RGS12: variants seen among roughly 807,000 people sequenced by gnomAD.
RGS12 encodes regulator of G protein signaling 12, also known as regulator of G-protein signaling 12.
A neutral mutation model predicts 120.1 loss-of-function variants in RGS12; 66 were observed. The ratio of observed to expected loss-of-function variants is 0.55; its 90% CI spans 0.45 to 0.67. The LOEUF (loss-of-function observed/expected upper bound fraction) is 0.67. Among genes scored for constraint, RGS12 ranks in the 30% least tolerant of loss-of-function variants. The pLI, the probability that RGS12 is intolerant of heterozygous loss-of-function variation, is 0.00. For synonymous variants in RGS12, 827 were observed against 804.7 expected, an observed-to-expected ratio of 1.03 and a Z score of -0.47; for missense variants, 1,859 against 1,957.7, an observed-to-expected ratio of 0.95 and a Z score of 0.95.
the RGS12 span, among the ~76,000 whole-genome samples, chr4:3,287,859 C>T: frequency 2.6e-5 from 4 of 152,202 alleles, no homozygotes; most frequent in African/African-American, 7.2e-5. Context: ...CTGGCAGGCT[C>T]ATTTGTCCCA....
rs1017059521 is a variant in RGS12 at position 3,431,383 on chromosome 4, G to A, written c.4114+428G>A. On this transcript the variant is annotated intron_variant, in intron 17 of 17. Coordinates refer to ENST00000336727, the MANE Select transcript of RGS12 (RefSeq NM_001394154.1). ...TGTCTTGAGTGAGGAAGTGAAGCCC[G>A]CTGTGTTCATAGCAGGAGAGGGCTC... 2.2e-5 allele frequency: 23 copies of A among 1,028,378 alleles called. No homozygotes were observed. The East Asian group carries it at 4.2e-4, about 19-fold the overall frequency. 63.7% of individuals were successfully genotyped at this position (1,028,378 alleles called of 1,614,324 possible).
intron 1 of RGS12, among the ~76,000 whole-genome samples, chr4:3,297,599 G>A (rs1024593643): frequency 7.9e-5 from 12 of 152,186 alleles, no homozygotes; most frequent in African/African-American, 2.9e-4. Flanking sequence ...AGTGCCCTGA[G>A]CACAGGTCCT....
intron 9 of RGS12, chr4:3,420,398 G>T: frequency 1.7e-6 from 1 of 587,868 alleles, no homozygotes; most frequent in African/African-American, 1.9e-5. Flanking sequence ...AGTAGACAGG[G>T]CAGAGAGTAG....
intron 1 of RGS12, among the ~76,000 whole-genome samples, chr4:3,302,558 G>A (rs1180465702): frequency 2.6e-5 from 4 of 152,184 alleles, no homozygotes; most frequent in Non-Finnish European, 4.4e-5. Flanking sequence ...GGTGGGCTCC[G>A]CTCCCCCTGC....
intron 4 of RGS12, among the ~76,000 whole-genome samples, chr4:3,408,140 A>G (rs1721355268): frequency 6.6e-6 from 1 of 152,342 alleles, no homozygotes; most frequent in Non-Finnish European, 1.5e-5. Flanking sequence ...CACTGCAAGC[A>G]GGCCAGTGAG....
intron 3 of RGS12, among the ~76,000 whole-genome samples, chr4:3,381,152 G>A (rs1240977997): frequency 6.6e-6 from 1 of 151,408 alleles, no homozygotes; most frequent in Admixed American, 6.6e-5. Flanking sequence ...TAGCAGGAGT[G>A]ACCATTACTC....
chr4:3,370,009 T>A, intron 3 of RGS12: 3 of 1,244,604 alleles, frequency 2.4e-6, no homozygotes, highest in Non-Finnish European at 3.0e-6. Context: ...TCTTCTGATT[T>A]GGTAGAGGAA....
chr4:3,410,530 G>T (rs531295137), intron 4 of RGS12, among the ~76,000 whole-genome samples: 4 of 152,334 alleles, frequency 2.6e-5, no homozygotes, highest in Admixed American at 1.3e-4. Context: ...AGCACTGGGC[G>T]GGAGGTCCTA....
chr4:3,434,737 C>T lies in RGS12; in HGVS notation c.4114+3782C>T, dbSNP rs149172947. On this transcript the variant is annotated intron_variant, in intron 17 of 17. Coordinates refer to ENST00000336727, the MANE Select transcript of RGS12 (RefSeq NM_001394154.1). ...TCCTTCTGTACGCGCCATCTTAAAA[C>T]GGGTTCTTACGGTTGTGTTGGTAAT... Among the ~76,000 whole-genome samples, 719 of 152,326 alleles carry T rather than the reference C, an allele frequency of 4.7e-3. 1 individual carries two copies. Among genetic ancestry groups the T allele is most frequent in the Non-Finnish European group, 7.7e-3 (527 of 68,028 alleles).
rs1457455449 is a variant in RGS12, at chr4:3,375,274, GCCTCATCTCCAGC to G, written c.1999-11101_1999-11089del. ...CCCTCATCTCCAGCCCTCATCTCCA[GCCTCATCTCCAGC>G]CCTCATCTCCAGCCCTCATCTCCAG... On this transcript the variant is annotated intron_variant, in intron 3 of 17. Coordinates refer to ENST00000336727, the MANE Select transcript of RGS12 (RefSeq NM_001394154.1). Among the ~76,000 whole-genome samples, 73 of 132,142 alleles carry G rather than the reference GCCTCATCTCCAGC, an allele frequency of 5.5e-4. 2 individuals carry two copies. Among genetic ancestry groups the G allele is most frequent in the East Asian group, 9.5e-4 (4 of 4,208 alleles). 86.7% of individuals were successfully genotyped at this position (132,142 alleles called of 152,430 possible).
rs1270248385 is a variant in RGS12, at chr4:3,318,825, C to T, written c.1881+774C>T. Among the ~76,000 whole-genome samples, 5 of 152,158 alleles carry T rather than the reference C, an allele frequency of 3.3e-5. No individual in the cohort carries two copies. The East Asian group carries it at 9.6e-4, about 29-fold the overall frequency. On this transcript the variant is annotated intron_variant, in intron 2 of 17. Transcript: ENST00000336727. ...GCAGGGAACCCTCTGGAAGGACTTC[C>T]TCCAGCCAGAGGCGGCGCTGCCGTG...
intron 3 of RGS12, among the ~76,000 whole-genome samples, chr4:3,353,044 C>T (rs969998921): frequency 6.6e-6 from 1 of 152,188 alleles, no homozygotes; most frequent in African/African-American, 2.4e-5. Flanking sequence ...TGTCTCGCAC[C>T]CTCCAGAGTG....
chr4:3,360,055 T>C (rs935058784), intron 3 of RGS12, among the ~76,000 whole-genome samples: 1 of 152,224 alleles, frequency 6.6e-6, no homozygotes, highest in Non-Finnish European at 1.5e-5. Flanking sequence ...CCACTGCGCC[T>C]GGCGAGATTT....
chr4:3,415,928 G>A, intron 6 of RGS12, 50 bp from the exon 7 acceptor site: 2 of 1,562,472 alleles, frequency 1.3e-6, no homozygotes, highest in Non-Finnish European at 1.7e-6. Flanking sequence ...GGCAGCAGGA[G>A]TGCGGGGAGA....
intron 3 of RGS12, among the ~76,000 whole-genome samples, chr4:3,363,766 T>C (rs1413175421): frequency 6.7e-6 from 1 of 150,038 alleles, no homozygotes. Flanking sequence ...TGGGAGGGAG[T>C]GGGGTCACCA....
intron 3 of RGS12, among the ~76,000 whole-genome samples, chr4:3,377,171 A>C (rs1389669192): frequency 6.6e-6 from 1 of 152,104 alleles, no homozygotes; most frequent in African/African-American, 2.4e-5. Flanking sequence ...TAGGGGGCTC[A>C]AGCGATCCTC....
At chr4:3,370,317 A>G (rs1351630223) in intron 3 of RGS12, 3 of 1,614,002 alleles carry the variant, frequency 1.9e-6, no homozygotes, top group South Asian at 1.1e-5. Context: ...TCTAATGACC[A>G]GCAGGTAAGT....
chr4:3,438,489 CAGGCCCTGG>C (rs1560187092), intron 17 of RGS12, among the ~76,000 whole-genome samples: 3 of 152,168 alleles, frequency 2.0e-5, no homozygotes. Flanking sequence ...TGCCCCTTCC[CAGGCCCTGG>C]GGTCCTGCCA....
intron 16 of RGS12, 40 bp from the exon 17 acceptor site, chr4:3,430,367 A>G (rs1724134518): frequency 6.4e-7 from 1 of 1,551,560 alleles, no homozygotes; most frequent in Admixed American, 1.8e-5. Flanking sequence ...TTAATGTGAA[A>G]CTCTCTAAAA....
Sources: gnomAD v4.1 joint callset for allele counts (sites outside exome capture counted in the v4.1 genomes callset) on GRCh38, gnomAD v4.1.1 for gene constraint, MANE v1.5 for transcripts, NCBI Gene and HGNC (gene_info 2026-07-23, HGNC 2026-07-21) for gene names.